LOC400499: variants seen among roughly 807,000 people sequenced by gnomAD.
At chr16:11,428,502 G>A in the LOC400499 span, among the ~76,000 whole-genome samples, 6 of 151,978 alleles carry the variant, frequency 3.9e-5, no homozygotes, top group East Asian at 1.9e-4. Context: ...ACCATATGAC[G>A]TAACTTCCTG....
chr16:11,457,321 C>T, the LOC400499 span, among the ~76,000 whole-genome samples: 373 of 152,234 alleles, frequency 2.5e-3, 4 homozygotes, highest in African/African-American at 8.6e-3. Context: ...GGGCCGGGCA[C>T]GGTGGCTCAC....
the LOC400499 span, among the ~76,000 whole-genome samples, chr16:11,497,245 C>T: frequency 1.7e-4 from 26 of 151,782 alleles, no homozygotes; most frequent in Middle Eastern, 6.8e-3. Flanking sequence ...AGGATGCATG[C>T]GTGTGGGTCT....
chr16:11,479,261 G>A, the LOC400499 span, among the ~76,000 whole-genome samples: 2 of 152,164 alleles, frequency 1.3e-5, no homozygotes, highest in Admixed American at 6.5e-5. Context: ...CCAATGCTGA[G>A]AGACTGTGTG....
At chr16:11,387,377 C>T in the LOC400499 span, 2 of 1,132,910 alleles carry the variant, frequency 1.8e-6, no homozygotes, top group Non-Finnish European at 2.2e-6. Flanking sequence ...TCTAGGTCTG[C>T]AGGAAGAGCT....
the LOC400499 span, among the ~76,000 whole-genome samples, chr16:11,415,670 C>T: frequency 5.9e-5 from 9 of 152,168 alleles, no homozygotes; most frequent in African/African-American, 9.7e-5. Context: ...AGAATGTTAA[C>T]GACAGGCAGA....
At chr16:11,459,282 C>T in the LOC400499 span, among the ~76,000 whole-genome samples, 2 of 149,262 alleles carry the variant, frequency 1.3e-5, no homozygotes, top group African/African-American at 2.5e-5. Context: ...CTGCAAGCTC[C>T]GCCTCTGGGG....
At chr16:11,501,941 G>A in the LOC400499 span, 1 of 394,092 alleles carries the variant, frequency 2.5e-6, no homozygotes, top group Non-Finnish European at 4.5e-6. Flanking sequence ...TGAAGGACAA[G>A]TCAGTGTCAA....
the LOC400499 span, chr16:11,469,264 C>G: frequency 1.0e-5 from 4 of 399,136 alleles, 1 homozygote; most frequent in Non-Finnish European, 1.8e-5. Flanking sequence ...CCTGGGGGTG[C>G]AAAACAAGAG....
At chr16:11,444,853 G>A in the LOC400499 span, among the ~76,000 whole-genome samples, 1 of 152,046 alleles carries the variant, frequency 6.6e-6, no homozygotes, top group Admixed American at 6.5e-5. Context: ...GGCCAAGATG[G>A]GAGGATGGCT....
chr16:11,391,562 T>C, the LOC400499 span: 2 of 1,016,356 alleles, frequency 2.0e-6, no homozygotes, highest in Non-Finnish European at 2.5e-6. Flanking sequence ...GCCACATTTC[T>C]GATTGAAACA....
the LOC400499 span, chr16:11,515,800 GGAAGAGGAA>G: frequency 2.5e-6 from 1 of 402,940 alleles, no homozygotes; most frequent in African/African-American, 2.1e-5. Flanking sequence ...AGGAGGAGGA[GGAAGAGGAA>G]GAAGAGGAGA....
the LOC400499 span, among the ~76,000 whole-genome samples, chr16:11,465,887 C>T: frequency 1.9e-3 from 285 of 147,454 alleles, no homozygotes; most frequent in African/African-American, 6.7e-3. Context: ...AAAGACAGGG[C>T]GAGAAAGGAA....
the LOC400499 span, among the ~76,000 whole-genome samples, chr16:11,378,277 G>GA: frequency 6.1e-5 from 3 of 48,972 alleles, no homozygotes; most frequent in Non-Finnish European, 1.9e-4. Context: ...GCCGGGGGGA[G>GA]GGGGGAGGTG....
the LOC400499 span, among the ~76,000 whole-genome samples, chr16:11,464,676 T>C: frequency 6.6e-6 from 1 of 152,250 alleles, no homozygotes; most frequent in Non-Finnish European, 1.5e-5. Flanking sequence ...GGGGACCTCC[T>C]GTCTGCTGAA....
At chr16:11,444,723 G>A in the LOC400499 span, among the ~76,000 whole-genome samples, 1 of 152,140 alleles carries the variant, frequency 6.6e-6, no homozygotes. Context: ...CTGTGGCTAC[G>A]GTGGTAAAGT....
the LOC400499 span, among the ~76,000 whole-genome samples, chr16:11,395,958 G>A: frequency 6.6e-6 from 1 of 152,218 alleles, no homozygotes; most frequent in African/African-American, 2.4e-5. Context: ...GGTCAGGGCA[G>A]AGTAGGTATT....
At chr16:11,470,065 GTTTT>G in the LOC400499 span, among the ~76,000 whole-genome samples, 2 of 151,724 alleles carry the variant, frequency 1.3e-5, no homozygotes, top group African/African-American at 2.4e-5. Flanking sequence ...AACAAGCCCA[GTTTT>G]TTTTTGTTGT....
chr16:11,390,687 T>C, the LOC400499 span, among the ~76,000 whole-genome samples: 1 of 152,208 alleles, frequency 6.6e-6, no homozygotes, highest in African/African-American at 2.4e-5. Flanking sequence ...GTCTGGGAAC[T>C]TGGATTGGGG....
the LOC400499 span, among the ~76,000 whole-genome samples, chr16:11,474,334 G>C: frequency 6.6e-6 from 1 of 152,176 alleles, no homozygotes; most frequent in Non-Finnish European, 1.5e-5. Context: ...CATGATATGA[G>C]ATATTCTTCT....
Sources: gnomAD v4.1 joint callset for allele counts (sites outside exome capture counted in the v4.1 genomes callset) on GRCh38, gnomAD v4.1.1 for gene constraint, MANE v1.5 for transcripts.